The following EPHA6 variants were observed in gnomAD, a reference collection of about 807,000 sequenced individuals.
EPHA6 encodes the protein EPH receptor A6, also known as ephrin type-A receptor 6.
A neutral mutation model predicts 112.0 loss-of-function variants in EPHA6; 50 were observed. The observed-to-expected ratio is 0.45, with a 90% CI of 0.36 to 0.56. The LOEUF is 0.56. Ranked by LOEUF, EPHA6 falls within the 20% of genes least tolerant of loss-of-function variation. The pLI is 0.00. For synonymous variants in EPHA6, 529 were observed against 490.7 expected (o/e 1.08, Z -1.03); for missense variants, 1,280 against 1,417.4 (o/e 0.90, Z 1.56).
At chr3:97,164,510 A>G (rs1186434595) in intron 3 of EPHA6, among the ~76,000 whole-genome samples, 1 of 152,052 alleles carries the variant, frequency 6.6e-6, no homozygotes, top group Non-Finnish European at 1.5e-5. Flanking sequence ...TTTTAGTGTT[A>G]TTATGTCCTT....
chr3:96,929,790 G>A (rs558171847), intron 2 of EPHA6, among the ~76,000 whole-genome samples: 27 of 152,260 alleles, frequency 1.8e-4, no homozygotes, highest in South Asian at 1.5e-3. Context: ...GGCTGGGGAA[G>A]TTCTCCTGGA....
At chr3:96,948,134 G>A (rs2041365995) in intron 2 of EPHA6, among the ~76,000 whole-genome samples, 2 of 152,052 alleles carry the variant, frequency 1.3e-5, no homozygotes, top group Non-Finnish European at 2.9e-5. Flanking sequence ...TAAGTATGAA[G>A]GCAAAAACTG....
intron 3 of EPHA6, among the ~76,000 whole-genome samples, chr3:97,018,171 T>G (rs1195285223): frequency 1.3e-5 from 2 of 151,938 alleles, no homozygotes; most frequent in Non-Finnish European, 2.9e-5. Context: ...TAAATTTACC[T>G]GATAGAATTC....
At chr3:97,158,613 A>G (rs935052076) in intron 3 of EPHA6, among the ~76,000 whole-genome samples, 1 of 152,162 alleles carries the variant, frequency 6.6e-6, no homozygotes, top group East Asian at 1.9e-4. Context: ...TGAGAAGTAC[A>G]CAATTTTCAT....
At chr3:97,613,690 C>T (rs1247217362) in intron 13 of EPHA6, among the ~76,000 whole-genome samples, 1 of 151,842 alleles carries the variant, frequency 6.6e-6, no homozygotes, top group Admixed American at 6.6e-5. Flanking sequence ...TGTGTGTAAC[C>T]GTGTGTATTT....
intron 9 of EPHA6, among the ~76,000 whole-genome samples, chr3:97,480,615 C>G (rs2091504978): frequency 6.6e-6 from 1 of 152,212 alleles, no homozygotes; most frequent in Non-Finnish European, 1.5e-5. Context: ...AAAATGGAGT[C>G]TCCTATGTCT....
intron 5 of EPHA6, among the ~76,000 whole-genome samples, chr3:97,301,441 G>T (rs987686262): frequency 4.6e-5 from 7 of 152,074 alleles, no homozygotes; most frequent in African/African-American, 1.7e-4. Flanking sequence ...ACTCAAATTG[G>T]TTTACCAATA....
chr3:97,563,720 G>C (rs1171322086), intron 11 of EPHA6, among the ~76,000 whole-genome samples: 2 of 152,188 alleles, frequency 1.3e-5, no homozygotes, highest in African/African-American at 4.8e-5. Context: ...AGTGAATGGA[G>C]TATAAGAATT....
chr3:96,943,075 T>G (rs1037001711), intron 2 of EPHA6, among the ~76,000 whole-genome samples: 1 of 152,186 alleles, frequency 6.6e-6, no homozygotes, highest in African/African-American at 2.4e-5. Flanking sequence ...AGATGCCACA[T>G]ATGTGTGAGA....
At chr3:97,516,626 G>A (rs988239024) in intron 10 of EPHA6, among the ~76,000 whole-genome samples, 7 of 152,054 alleles carry the variant, frequency 4.6e-5, no homozygotes, top group Admixed American at 3.9e-4. Context: ...ATACACATCC[G>A]TCTAGAACTG....
chr3:97,527,157 A>T (rs1202902257), intron 10 of EPHA6, among the ~76,000 whole-genome samples: 1 of 152,178 alleles, frequency 6.6e-6, no homozygotes, highest in Admixed American at 6.5e-5. Flanking sequence ...ACTAATGTGC[A>T]TGATTCCTCC....
chr3:97,333,781 C>T (rs2082922340), intron 5 of EPHA6, among the ~76,000 whole-genome samples: 1 of 151,944 alleles, frequency 6.6e-6, no homozygotes, highest in East Asian at 1.9e-4. Flanking sequence ...GCCTGGCCCA[C>T]TCTCTATGTT....
At chr3:97,705,482 C>T (rs185207655) in intron 14 of EPHA6, among the ~76,000 whole-genome samples, 28 of 152,270 alleles carry the variant, frequency 1.8e-4, no homozygotes, top group Admixed American at 5.9e-4. Context: ...ACATCTCTAA[C>T]ATTCATTTAA....
chr3:97,170,080 T>C (rs189152931), intron 3 of EPHA6, among the ~76,000 whole-genome samples: 115 of 151,382 alleles, frequency 7.6e-4, no homozygotes, highest in African/African-American at 2.6e-3. Context: ...TGTATGCCTA[T>C]GTAACAAACC....
At chr3:97,691,540 G>T (rs2032664616) in intron 14 of EPHA6, among the ~76,000 whole-genome samples, 1 of 151,998 alleles carries the variant, frequency 6.6e-6, no homozygotes, top group African/African-American at 2.4e-5. Flanking sequence ...TTCATAAGTT[G>T]AACGAGTGTG....
chr3:96,900,024 A>C (rs1318565790), intron 2 of EPHA6, among the ~76,000 whole-genome samples: 1 of 152,160 alleles, frequency 6.6e-6, no homozygotes. Flanking sequence ...TGTACTGTGA[A>C]CCATGGGAAA....
At chr3:97,193,485 C>T (rs1375966322) in intron 3 of EPHA6, among the ~76,000 whole-genome samples, 1 of 151,872 alleles carries the variant, frequency 6.6e-6, no homozygotes, top group Non-Finnish European at 1.5e-5. Context: ...TGTATGTTGA[C>T]TATGTATTCT....
At chr3:97,073,166 A>C (rs761435915) in intron 3 of EPHA6, among the ~76,000 whole-genome samples, 4 of 152,170 alleles carry the variant, frequency 2.6e-5, no homozygotes, top group African/African-American at 9.7e-5. Flanking sequence ...ATAAGAAATT[A>C]CAGATGTATG....
At chr3:97,014,939 T>C (rs753753557) in intron 3 of EPHA6, among the ~76,000 whole-genome samples, 2 of 152,188 alleles carry the variant, frequency 1.3e-5, no homozygotes, top group Non-Finnish European at 2.9e-5. Flanking sequence ...TCAAGGTTTG[T>C]CTTCTATATA....
Sources: gnomAD v4.1 joint callset for allele counts (sites outside exome capture counted in the v4.1 genomes callset) on GRCh38, gnomAD v4.1.1 for gene constraint, MANE v1.5 for transcripts, NCBI Gene and HGNC (gene_info 2026-07-23, HGNC 2026-07-21) for gene names.